The following HIVEP2 variants were observed in gnomAD, a reference collection of about 807,000 sequenced individuals.
The protein encoded by HIVEP2 is transcription factor HIVEP2.
In HIVEP2, 14 loss-of-function variants were observed where a neutral mutation model predicts 180.7. The observed-to-expected ratio is 0.08, with a 90% CI of 0.05 to 0.12. HIVEP2 has a LOEUF of 0.12. HIVEP2 is among the 10% of genes least tolerant of loss of function. The pLI, the probability that HIVEP2 is intolerant of heterozygous loss-of-function variation, is 1.00. For missense variants in HIVEP2, 2,579 were observed against 3,008.5 expected, an observed-to-expected ratio of 0.86 and a Z score of 3.34; for synonymous variants, 1,184 against 1,136.4, an observed-to-expected ratio of 1.04 and a Z score of -0.84.
At position 142,769,601 on chromosome 6, in the gene HIVEP2, G is replaced by A; in HGVS notation, c.5138C>T (p.Pro1713Leu). 6.2e-7 allele frequency: 1 copy of A among 1,614,150 alleles called. No homozygotes were observed. Among genetic ancestry groups the A allele is most frequent in the African/African-American group, 1.3e-5 (1 of 75,046 alleles). ...EIYTLAAMHR[P>L]GTGKLTSSSA... Reference sequence around the variant, plus strand: ...TGATGATGTAAGCTTGCCGGTTCCAGGCCTATGCATAGCAGCCAGAGTATA... The same window carrying A: ...TGATGATGTAAGCTTGCCGGTTCCAAGCCTATGCATAGCAGCCAGAGTATA... The change falls in exon 5 of 10, where the codon CCT becomes CTT. Residue 1713 changes from proline (P) to leucine (L), a missense_variant. Transcript: ENST00000367603.
chr6:142,752,992 G>GCAAA lies in HIVEP2; in HGVS notation c.*111_*114dup, dbSNP rs58500519. ...TGATATAACAAAAGTATATATAATAGCAAACTACTGTAACTTAGGACAGGC... is the reference window on the plus strand; with the variant it reads ...TGATATAACAAAAGTATATATAATAGCAAACAAACTACTGTAACTTAGGACAGGC... On this transcript the variant is annotated 3_prime_UTR_variant, in exon 10 of 10. Coordinates refer to ENST00000367603, the MANE Select transcript of HIVEP2 (RefSeq NM_006734.4). 2,251 of 679,402 alleles carry GCAAA rather than the reference G, an allele frequency of 3.3e-3. 53 individuals carry two copies. In the East Asian group the frequency reaches 0.05, roughly 15 times the overall value. The allele number at this position is 679,402 out of a possible 1,614,324, so 42.1% of individuals were successfully genotyped here. A position where few individuals can be genotyped will look rare whatever the true frequency, so the allele number is the denominator to read the frequency against.
At chr6:142,859,113 G>A (rs1775903342) in intron 1 of HIVEP2, among the ~76,000 whole-genome samples, 1 of 152,146 alleles carries the variant, frequency 6.6e-6, no homozygotes, top group South Asian at 2.1e-4. Context: ...TGTAGATACT[G>A]TAGAAACACA....
At chr6:142,787,566 C>A (rs925148450) in intron 2 of HIVEP2, among the ~76,000 whole-genome samples, 1,595 of 117,228 alleles carry the variant, frequency 0.014, no homozygotes, top group Admixed American at 0.017. Flanking sequence ...TTCCTCTCTA[C>A]AAAAAAAAAA....
In HIVEP2 at chr6:142,822,461, T is replaced by C. The variant is rs376303574; in HGVS notation, c.-528+14474A>G. On this transcript the variant is annotated intron_variant, in intron 2 of 9. Coordinates refer to ENST00000367603, the MANE Select transcript of HIVEP2 (RefSeq NM_006734.4). ...AGACACTTTGAGATATGAATCACAATGGTAATGTGATATGAAACTGTCTGT... is the reference window on the plus strand; with the variant it reads ...AGACACTTTGAGATATGAATCACAACGGTAATGTGATATGAAACTGTCTGT... Among the ~76,000 whole-genome samples the C allele has an allele frequency of 3.4e-4, 52 of 152,348 alleles. 1 individual carries two copies. The South Asian group carries it at 0.011, about 32-fold the overall frequency.
rs375650608 is a variant in HIVEP2 at position 142,759,860 on chromosome 6, G to A, written c.6428C>T (p.Ala2143Val). Residue 2143 changes from alanine (A) to valine (V), a missense_variant, in exon 9 of 10, where the codon GCG becomes GTG. Ala to Val is a moderately conservative substitution (Grantham distance 64). Coordinates refer to ENST00000367603, the MANE Select transcript of HIVEP2 (RefSeq NM_006734.4). ...RERRYMTTIR[A>V]PSPRRALYHN... ...GTATAAAGCCCTTCTGGGAGATGGC[G>A]CTCTTATTGTGGTCATGTATCTTCT... 11 of 1,614,074 alleles carry A rather than the reference G, an allele frequency of 6.8e-6. No individual in the cohort carries two copies. The highest frequency in any genetic ancestry group is 5.3e-5 in the African/African-American group (4 of 75,036).
chr6:142,942,686 C>G (rs1336467725), intron 1 of HIVEP2, among the ~76,000 whole-genome samples: 2 of 152,058 alleles, frequency 1.3e-5, no homozygotes, highest in African/African-American at 4.8e-5. Flanking sequence ...AGGATCTAAC[C>G]AGTTAAAAAT....
In HIVEP2 at chr6:142,773,952, C is replaced by A; in HGVS notation, c.787G>T (p.Gly263Cys). 1 of 1,614,136 alleles carries A rather than the reference C, an allele frequency of 6.2e-7. No homozygotes were observed. The highest frequency in any genetic ancestry group is 8.5e-7 in the Non-Finnish European group (1 of 1,180,030). ...ATTTCTGCTTCTACATCAATAAAAC[C>A]AGCCTCTAGGTCCAATTTAGATACA... is the stretch of plus-strand genomic sequence containing the variant. Reference protein sequence around the residue: ...SAVSKLDLEAGFIDVEAEIHS... With the variant: ...SAVSKLDLEACFIDVEAEIHS... The change falls in exon 5 of 10, where the codon GGT becomes TGT. Residue 263 changes from glycine (G) to cysteine (C), a missense_variant. This residue lies in a region of HIVEP2 where 142 missense variants were observed against 135.2 expected (regional missense o/e 1.05). Transcript: ENST00000367603.
At chr6:142,825,596 CT>C (rs1475098047) in intron 2 of HIVEP2, among the ~76,000 whole-genome samples, 2 of 152,118 alleles carry the variant, frequency 1.3e-5, no homozygotes, top group Non-Finnish European at 2.9e-5. Context: ...AAGAATCATT[CT>C]TATATTTTAT....
chr6:142,785,668 G>A (rs549147133), intron 2 of HIVEP2, among the ~76,000 whole-genome samples: 4 of 152,272 alleles, frequency 2.6e-5, no homozygotes, highest in Admixed American at 1.3e-4. Context: ...TTCTGACTCC[G>A]TTTTTCCAGT....
intron 1 of HIVEP2, among the ~76,000 whole-genome samples, chr6:142,900,028 T>C (rs895800815): frequency 7.2e-5 from 11 of 152,194 alleles, no homozygotes; most frequent in Admixed American, 7.2e-4. Context: ...ATATAAGGTC[T>C]AAACCTTAAT....
At chr6:142,859,864 GAA>G (rs1224634872) in intron 1 of HIVEP2, among the ~76,000 whole-genome samples, 1 of 133,586 alleles carries the variant, frequency 7.5e-6, no homozygotes, top group African/African-American at 2.8e-5. Flanking sequence ...AGGAAAGAAA[GAA>G]AGAAAAAGAA....
chr6:142,876,760 C>T (rs1273512695), intron 1 of HIVEP2, among the ~76,000 whole-genome samples: 1 of 152,174 alleles, frequency 6.6e-6, no homozygotes, highest in Non-Finnish European at 1.5e-5. Flanking sequence ...TGGTGGCTCA[C>T]ATCTGTAATC....
At chr6:142,790,382 TA>T (rs1254523342) in intron 2 of HIVEP2, among the ~76,000 whole-genome samples, 17 of 152,214 alleles carry the variant, frequency 1.1e-4, no homozygotes, top group Non-Finnish European at 1.5e-5. Context: ...TCCTCTATCT[TA>T]TCCCTTAATA....
At chr6:142,782,870 G>C (rs924147254) in intron 3 of HIVEP2, among the ~76,000 whole-genome samples, 9 of 152,008 alleles carry the variant, frequency 5.9e-5, no homozygotes, top group Admixed American at 2.6e-4. Flanking sequence ...TTAATATTTT[G>C]TCATACCTTT....
intron 2 of HIVEP2, among the ~76,000 whole-genome samples, chr6:142,831,086 T>G (rs1775067726): frequency 6.6e-6 from 1 of 152,160 alleles, no homozygotes; most frequent in Non-Finnish European, 1.5e-5. Context: ...CTTGCGTGCC[T>G]GGGATCCAGG....
chr6:142,771,854 C>A lies in HIVEP2; in HGVS notation c.2885G>T (p.Gly962Val), dbSNP rs760930596. ...GESSFESTGT[G>V]LSRSPSQESN... ...TTCTTGGCTGGGGCTGCGGGAGAGG[C>A]CTGTGCCTGTGGATTCAAAGCTGGA... The change falls in exon 5 of 10, where the codon GGC becomes GTC. Residue 962 changes from glycine (G) to valine (V), a missense_variant. By Grantham distance (109) the Gly-to-Val change is moderately radical. Transcript: ENST00000367603. The surrounding 1 kb of genome is among the most constrained non-coding windows in gnomAD (Gnocchi z 5.4). 1.2e-6 allele frequency: 2 copies of A among 1,614,220 alleles called. No homozygotes were observed. Among genetic ancestry groups the A allele is most frequent in the Non-Finnish European group, 1.7e-6 (2 of 1,180,042 alleles).
chr6:142,866,716 A>T (rs1050173688), intron 1 of HIVEP2, among the ~76,000 whole-genome samples: 1 of 152,140 alleles, frequency 6.6e-6, no homozygotes, highest in Admixed American at 6.6e-5. Flanking sequence ...AAAGCTGTGG[A>T]AAGGGCTTTC....
intron 2 of HIVEP2, among the ~76,000 whole-genome samples, chr6:142,835,810 G>A (rs1173323367): frequency 6.6e-6 from 1 of 152,146 alleles, no homozygotes; most frequent in Non-Finnish European, 1.5e-5. Context: ...CTTAGGCAGT[G>A]GAGATTATTT....
intron 2 of HIVEP2, among the ~76,000 whole-genome samples, chr6:142,816,781 G>C (rs1466670271): frequency 6.6e-6 from 1 of 152,178 alleles, no homozygotes; most frequent in Non-Finnish European, 1.5e-5. Flanking sequence ...TGAGTTTACT[G>C]CCAATGAGTT....
Sources: allele counts gnomAD v4.1 joint callset (sites outside exome capture counted in the v4.1 genomes callset), GRCh38; gene constraint gnomAD v4.1.1; regional missense constraint gnomAD v4.1.1; non-coding constraint Gnocchi (gnomAD v3.1); transcripts MANE v1.5; gene names NCBI Gene and HGNC (gene_info 2026-07-23, HGNC 2026-07-21).